Variants in CSRNP3 observed in about 807,000 individuals in gnomAD.
The protein encoded by CSRNP3 is cysteine and serine rich nuclear protein 3, also known as cysteine/serine-rich nuclear protein 3.
In CSRNP3, 12 loss-of-function variants were observed where a neutral mutation model predicts 48.0. The observed-to-expected ratio is 0.25, with a 90% CI of 0.16 to 0.41. The LOEUF (loss-of-function observed/expected upper bound fraction) is 0.41, where lower values mean the gene tolerates loss of function less well. Ranked by LOEUF, CSRNP3 falls within the 10% of genes least tolerant of loss-of-function variation. The pLI, the probability that CSRNP3 is intolerant of heterozygous loss-of-function variation, is 1.00. For synonymous variants in CSRNP3, 263 were observed against 269.7 expected (o/e 0.98, Z 0.24); for missense variants, 580 against 724.4 (o/e 0.80, Z 2.29).
intron 3 of CSRNP3, 70 bp from the exon 4 acceptor site, chr2:165,594,971 ACT>A (rs1685785386): frequency 2.9e-6 from 4 of 1,386,042 alleles, no homozygotes; most frequent in Non-Finnish European, 4.0e-6. Flanking sequence ...CATAAAAATG[ACT>A]CTGGAGACCT....
At chr2:165,599,686 G>T (rs1174156835) in intron 4 of CSRNP3, among the ~76,000 whole-genome samples, 2 of 152,130 alleles carry the variant, frequency 1.3e-5, no homozygotes, top group Admixed American at 6.5e-5. Context: ...TCCAAAAATT[G>T]ATATACAAAT....
chr2:165,574,398 C>T, intron 3 of CSRNP3: 4 of 1,549,864 alleles, frequency 2.6e-6, no homozygotes, highest in East Asian at 4.9e-5. Flanking sequence ...GATTTTACAG[C>T]GTGTGTGCCG....
At chr2:165,496,538 C>T (rs1684285834) in intron 2 of CSRNP3, among the ~76,000 whole-genome samples, 1 of 151,972 alleles carries the variant, frequency 6.6e-6, no homozygotes, top group Non-Finnish European at 1.5e-5. Context: ...TATTCTTACC[C>T]TTAGACAAGC....
intron 4 of CSRNP3, among the ~76,000 whole-genome samples, chr2:165,604,449 T>A (rs1241237352): frequency 1.3e-5 from 2 of 152,192 alleles, no homozygotes; most frequent in Non-Finnish European, 2.9e-5. Flanking sequence ...CAAACATTAG[T>A]GGAAATAAAT....
chr2:165,532,100 A>G (rs1372970639), intron 3 of CSRNP3, among the ~76,000 whole-genome samples: 1 of 152,116 alleles, frequency 6.6e-6, no homozygotes, highest in Non-Finnish European at 1.5e-5. Context: ...CCAGGACCAG[A>G]TGGATTCACA....
intron 4 of CSRNP3, among the ~76,000 whole-genome samples, chr2:165,601,829 A>G (rs575990201): frequency 7.2e-5 from 11 of 152,302 alleles, no homozygotes; most frequent in Admixed American, 2.6e-4. Context: ...ATCAATAGAA[A>G]ACAGATTTGA....
At chr2:165,626,564 G>A (rs1686439540) in intron 4 of CSRNP3, among the ~76,000 whole-genome samples, 1 of 152,194 alleles carries the variant, frequency 6.6e-6, no homozygotes, top group Non-Finnish European at 1.5e-5. Flanking sequence ...TGAGAGCAGA[G>A]CATTTCTAAA....
At chr2:165,479,126 T>C (rs1216525435) in intron 1 of CSRNP3, among the ~76,000 whole-genome samples, 2 of 152,150 alleles carry the variant, frequency 1.3e-5, no homozygotes, top group Non-Finnish European at 2.9e-5. Flanking sequence ...AAATCACAAA[T>C]GAAATGTCTT....
intron 3 of CSRNP3, among the ~76,000 whole-genome samples, chr2:165,537,029 C>T (rs1192171996): frequency 6.6e-6 from 1 of 151,740 alleles, no homozygotes; most frequent in Non-Finnish European, 1.5e-5. Context: ...AAACAGGAAA[C>T]TCTGCCTTCC....
chr2:165,551,151 G>A (rs1459602596), intron 3 of CSRNP3, among the ~76,000 whole-genome samples: 4 of 152,000 alleles, frequency 2.6e-5, no homozygotes, highest in African/African-American at 9.7e-5. Context: ...ATGGAGTGTT[G>A]AAATTCCTGT....
chr2:165,637,798 T>G (rs1363088707), intron 4 of CSRNP3, among the ~76,000 whole-genome samples: 2 of 152,212 alleles, frequency 1.3e-5, no homozygotes, highest in Admixed American at 1.3e-4. Flanking sequence ...CTACTTTTTG[T>G]GAATGTTCAT....
intron 3 of CSRNP3, among the ~76,000 whole-genome samples, chr2:165,527,199 C>CTTTTT (rs535826285): frequency 1.4e-4 from 12 of 87,268 alleles, no homozygotes; most frequent in African/African-American, 1.8e-4. Context: ...GCTGTTTGTA[C>CTTTTT]TTTTTTTTTT....
At chr2:165,652,430 C>T (rs1230956289) in intron 4 of CSRNP3, among the ~76,000 whole-genome samples, 5 of 150,360 alleles carry the variant, frequency 3.3e-5, no homozygotes, top group Non-Finnish European at 7.4e-5. Flanking sequence ...ACCCAGGAGG[C>T]GGAGGTTGCA....
rs1194588443 is a variant in CSRNP3, at chr2:165,592,862, C to T, written c.-23-2181C>T. ...TGTCGCCCAGGCTGGAGTGCAGTGG[C>T]GGGATCTCGGCTCACTGCAAGCTCC... On this transcript the variant is annotated intron_variant, in intron 3 of 6. Coordinates refer to ENST00000651982, the MANE Select transcript of CSRNP3 (RefSeq NM_001172173.2). Among the ~76,000 whole-genome samples the T allele has an allele frequency of 3.7e-5, 5 of 136,180 alleles. No individual in the cohort carries two copies. In the East Asian group the frequency reaches 6.5e-4, roughly 18 times the overall value. The allele number at this position is 136,180 out of a possible 152,430, so 89.3% of individuals were successfully genotyped here. A position where few individuals can be genotyped will look rare whatever the true frequency, so the allele number is the denominator to read the frequency against.
chr2:165,540,511 A>C (rs1684941890), intron 3 of CSRNP3, among the ~76,000 whole-genome samples: 1 of 152,084 alleles, frequency 6.6e-6, no homozygotes, highest in Admixed American at 6.6e-5. Context: ...CTGCTGGGCA[A>C]GGCAGTCTCC....
At chr2:165,564,777 T>C (rs1685277026) in intron 3 of CSRNP3, among the ~76,000 whole-genome samples, 1 of 152,048 alleles carries the variant, frequency 6.6e-6, no homozygotes, top group African/African-American at 2.4e-5. Flanking sequence ...TATCCTACTA[T>C]ATATAAATAT....
intron 2 of CSRNP3, among the ~76,000 whole-genome samples, chr2:165,512,946 T>C (rs1012100503): frequency 1.3e-5 from 2 of 152,026 alleles, no homozygotes; most frequent in Admixed American, 1.3e-4. Flanking sequence ...CTACTAAAAA[T>C]ACAAAAATAT....
At chr2:165,517,711 A>G (rs1305729627) in intron 2 of CSRNP3, among the ~76,000 whole-genome samples, 162 bp from the exon 3 acceptor site, 2 of 151,990 alleles carry the variant, frequency 1.3e-5, no homozygotes, top group African/African-American at 4.8e-5. Context: ...TTGCTAAATT[A>G]TATAGCATAT....
intron 3 of CSRNP3, among the ~76,000 whole-genome samples, chr2:165,538,268 A>G (rs559259868): frequency 7.2e-5 from 11 of 152,074 alleles, no homozygotes; most frequent in African/African-American, 2.6e-4. Context: ...ATTATTAATT[A>G]TTATTACTAC....
Sources: allele counts gnomAD v4.1 joint callset (sites outside exome capture counted in the v4.1 genomes callset), GRCh38; gene constraint gnomAD v4.1.1; transcripts MANE v1.5; gene names NCBI Gene and HGNC (gene_info 2026-07-23, HGNC 2026-07-21).